Variants in PNLIPRP3 observed in about 807,000 individuals in gnomAD.
PNLIPRP3 encodes the protein pancreatic lipase related protein 3.
A neutral mutation model predicts 52.8 loss-of-function variants in PNLIPRP3; 58 were observed. That is an observed-to-expected ratio of 1.10 (90% CI 0.89 to 1.37). PNLIPRP3 has a LOEUF of 1.37. Ranked by LOEUF, PNLIPRP3 falls within the 40% of genes most tolerant of loss-of-function variation. The probability of loss-of-function intolerance (pLI) is 0.00; values close to 1 mark genes in which losing one functional copy is unlikely to be tolerated. For synonymous variants in PNLIPRP3, 192 were observed against 185.0 expected, an observed-to-expected ratio of 1.04 and a Z score of -0.31; for missense variants, 593 against 561.6, an observed-to-expected ratio of 1.06 and a Z score of -0.57.
In PNLIPRP3 at chr10:116,443,064, G is replaced by C. The variant is rs1564695084; in HGVS notation, c.214G>C (p.Ala72Pro). 3 of 1,592,054 alleles carry C rather than the reference G, an allele frequency of 1.9e-6. No individual in the cohort carries two copies. The highest frequency in any genetic ancestry group is 4.5e-5 in the East Asian group (2 of 44,302). The change falls in exon 3 of 12, where the codon GCG becomes CCG. Residue 72 changes from alanine to proline, a missense_variant. Coordinates refer to ENST00000369230, the MANE Select transcript of PNLIPRP3 (RefSeq NM_001011709.3). Reference protein sequence around the residue: ...HNPNAYQEISAVNSSTIQASY... With the variant: ...HNPNAYQEISPVNSSTIQASY... ...TTTCTGCTTGAAACAGGAGATCAGT[G>C]CGGTTAATTCTTCAACTATCCAAGC... is the stretch of plus-strand genomic sequence containing the variant.
At chr10:116,455,168 A>G in intron 4 of PNLIPRP3, among the ~76,000 whole-genome samples, 1 of 152,196 alleles carries the variant, frequency 6.6e-6, no homozygotes, top group East Asian at 1.9e-4. Context: ...GGCCATTTGT[A>G]TGTCTTCTTT....
intron 7 of PNLIPRP3, among the ~76,000 whole-genome samples, chr10:116,463,280 C>T (rs1589987738): frequency 6.6e-6 from 1 of 152,156 alleles, no homozygotes; most frequent in South Asian, 2.1e-4. Flanking sequence ...GATTCTGCTT[C>T]GTGTGGTGTT....
chr10:116,449,673 A>G (rs1426868251), intron 4 of PNLIPRP3, among the ~76,000 whole-genome samples: 1 of 152,232 alleles, frequency 6.6e-6, no homozygotes, highest in Admixed American at 6.5e-5. Context: ...TCAATAATGG[A>G]TAGATCACCT....
intron 5 of PNLIPRP3, among the ~76,000 whole-genome samples, chr10:116,459,100 T>C (rs571533258): frequency 7.7e-4 from 117 of 152,248 alleles, no homozygotes; most frequent in African/African-American, 2.8e-3. Flanking sequence ...GCTTCTATGA[T>C]TCCGCATCTT....
intron 7 of PNLIPRP3, among the ~76,000 whole-genome samples, chr10:116,461,798 C>T (rs1897516): frequency 0.7 from 106,207 of 151,958 alleles, 39,393 homozygotes; most frequent in Middle Eastern, 0.85. Context: ...TAAGGGAGTC[C>T]TTACTGAAAA....
At chr10:116,428,179 G>T in intron 1 of PNLIPRP3, 118 bp downstream of exon 1, 3 of 718,444 alleles carry the variant, frequency 4.2e-6, no homozygotes, top group Non-Finnish European at 6.9e-6. Context: ...TTCTTAAGTA[G>T]TTTATTGTTT....
At chr10:116,433,517 T>A (rs974355032) in intron 1 of PNLIPRP3, among the ~76,000 whole-genome samples, 1 of 152,200 alleles carries the variant, frequency 6.6e-6, no homozygotes, top group Non-Finnish European at 1.5e-5. Context: ...TTGTAGGACA[T>A]GTAAGGTTGT....
At chr10:116,461,704 G>A (rs979180984) in intron 7 of PNLIPRP3, among the ~76,000 whole-genome samples, 2 of 152,148 alleles carry the variant, frequency 1.3e-5, no homozygotes, top group Non-Finnish European at 2.9e-5. Flanking sequence ...AGAGCTAAGG[G>A]GACAAAATAA....
At chr10:116,433,881 C>T (rs1026896362) in intron 1 of PNLIPRP3, among the ~76,000 whole-genome samples, 12 of 151,478 alleles carry the variant, frequency 7.9e-5, no homozygotes, top group African/African-American at 2.9e-4. Context: ...TTTTTGTAAG[C>T]CAGTGAGATG....
intron 9 of PNLIPRP3, among the ~76,000 whole-genome samples, chr10:116,471,252 T>A (rs1435129405): frequency 1.3e-5 from 2 of 152,194 alleles, no homozygotes; most frequent in Non-Finnish European, 2.9e-5. Flanking sequence ...TTGATCTGTA[T>A]CTACGTGTAC....
At chr10:116,433,443 A>G (rs1845735619) in intron 1 of PNLIPRP3, among the ~76,000 whole-genome samples, 1 of 152,188 alleles carries the variant, frequency 6.6e-6, no homozygotes, top group Non-Finnish European at 1.5e-5. Context: ...AAATGCACAA[A>G]AGGATATTCA....
chr10:116,465,119 C>A (rs1443749518), intron 7 of PNLIPRP3, among the ~76,000 whole-genome samples: 1 of 152,162 alleles, frequency 6.6e-6, no homozygotes, highest in African/African-American at 2.4e-5. Flanking sequence ...TATCTGAAGG[C>A]AGGTAGTTCC....
chr10:116,433,108 C>T (rs1363303395), intron 1 of PNLIPRP3, among the ~76,000 whole-genome samples: 1 of 26,820 alleles, frequency 3.7e-5, no homozygotes, highest in Non-Finnish European at 8.0e-5. Flanking sequence ...GAGTAAAACT[C>T]CATCTCAAAA....
intron 2 of PNLIPRP3, among the ~76,000 whole-genome samples, chr10:116,437,539 G>A (rs989448969): frequency 2.6e-5 from 4 of 152,156 alleles, no homozygotes; most frequent in African/African-American, 9.7e-5. Context: ...CAAAAGTAAG[G>A]TTAGTTAGAA....
chr10:116,471,353 T>C (rs1042712909), intron 9 of PNLIPRP3, among the ~76,000 whole-genome samples: 8 of 152,160 alleles, frequency 5.3e-5, no homozygotes, highest in Admixed American at 1.3e-4. Context: ...TCTTGCCCAA[T>C]TGGTTTCCTA....
chr10:116,469,191 T>G lies in PNLIPRP3; in HGVS notation c.934T>G (p.Cys312Gly), dbSNP rs771803572. 1 of 1,610,184 alleles carries G rather than the reference T, an allele frequency of 6.2e-7. No individual in the cohort carries two copies. Among genetic ancestry groups the G allele is most frequent in the South Asian group, 1.1e-5 (1 of 89,420 alleles). ...RSYTSFKAGN[C>G]FFCSKEGCPT... is the part of the protein sequence containing the mutation. ...TTTCATTTTCTGTCATCAGGGAAAT[T>G]GCTTCTTTTGTTCCAAAGAAGGTTG... The change falls in exon 9 of 12, where the codon TGC (cysteine) becomes GGC (glycine). Residue 312 changes from cysteine (C) to glycine (G), a missense_variant. Physicochemically the swap from Cys to Gly is radical, Grantham distance 159. Transcript: ENST00000369230.
chr10:116,448,341 T>C (rs1006789473), intron 4 of PNLIPRP3, among the ~76,000 whole-genome samples: 15 of 152,202 alleles, frequency 9.9e-5, no homozygotes, highest in Admixed American at 6.5e-5. Flanking sequence ...AGTTGTTATC[T>C]CCTTAAAATA....
intron 7 of PNLIPRP3, among the ~76,000 whole-genome samples, chr10:116,463,753 C>T (rs1846234422): frequency 6.6e-6 from 1 of 152,182 alleles, no homozygotes; most frequent in South Asian, 2.1e-4. Flanking sequence ...AAACCAAAAT[C>T]TAGTTTCTCA....
chr10:116,444,438 A>T lies in PNLIPRP3; in HGVS notation c.381A>T (p.Ser127=). 31 of 1,613,144 alleles carry T rather than the reference A, an allele frequency of 1.9e-5. No homozygotes were observed. Among genetic ancestry groups the T allele is most frequent in the Non-Finnish European group, 2.6e-5 (31 of 1,179,170 alleles). The part of the protein sequence containing the change: ...NCINLDWING[S]REYIHAVNNL... The stretch of plus-strand genomic sequence containing the variant: ...TTAATTTAGATTGGATCAACGGTTC[A>T]CGGGAATACATCCATGCTGTAAACA... Residue 127 remains serine (S), a synonymous_variant, in exon 4 of 12, where the codon TCA becomes TCT. Transcript: ENST00000369230.
Sources: allele counts gnomAD v4.1 joint callset (sites outside exome capture counted in the v4.1 genomes callset), GRCh38; gene constraint gnomAD v4.1.1; transcripts MANE v1.5; gene names NCBI Gene and HGNC (gene_info 2026-07-23, HGNC 2026-07-21).